Variants in CAMTA1 observed in about 807,000 individuals in gnomAD.
CAMTA1 encodes the protein calmodulin-binding transcription activator 1.
CAMTA1 carries 27 observed loss-of-function variants against 170.9 expected under a neutral mutation model. The observed-to-expected ratio is 0.16, with a 90% CI of 0.12 to 0.22. The LOEUF (loss-of-function observed/expected upper bound fraction) is 0.22. Among genes scored for constraint, CAMTA1 ranks in the 10% least tolerant of loss-of-function variants. The pLI is 1.00. For synonymous variants in CAMTA1, 833 were observed against 891.5 expected, an observed-to-expected ratio of 0.93 and a Z score of 1.17; for missense variants, 1,619 against 2,217.2, an observed-to-expected ratio of 0.73 and a Z score of 5.42.
At chr1:6,960,374 G>A (rs1203043654) in intron 3 of CAMTA1, among the ~76,000 whole-genome samples, 1 of 152,120 alleles carries the variant, frequency 6.6e-6, no homozygotes, top group Non-Finnish European at 1.5e-5. Context: ...CCCCATTTTG[G>A]AGGAGCTGCG....
chr1:7,078,751 T>C (rs1046394460), intron 3 of CAMTA1, among the ~76,000 whole-genome samples: 5 of 152,216 alleles, frequency 3.3e-5, no homozygotes, highest in African/African-American at 1.2e-4. Flanking sequence ...CTGTGGTTGC[T>C]AAGAGAAGAC....
At chr1:7,444,042 GA>G (rs1402253213) in intron 5 of CAMTA1, among the ~76,000 whole-genome samples, 1 of 152,174 alleles carries the variant, frequency 6.6e-6, no homozygotes, top group Non-Finnish European at 1.5e-5. Context: ...CTGGGGCTGG[GA>G]GCAGGGAAAA....
intron 7 of CAMTA1, 38 bp downstream of exon 7, chr1:7,640,591 G>A: frequency 6.2e-7 from 1 of 1,613,164 alleles, no homozygotes; most frequent in East Asian, 2.2e-5. Flanking sequence ...CCCACGCTGG[G>A]AACCAGGCTG....
chr1:7,339,753 T>A (rs1213456930), intron 5 of CAMTA1, among the ~76,000 whole-genome samples: 3 of 152,066 alleles, frequency 2.0e-5, no homozygotes, highest in Non-Finnish European at 4.4e-5. Flanking sequence ...TGCACCACCA[T>A]GCCCGGCTAA....
chr1:7,726,981 C>G (rs979679052), intron 11 of CAMTA1, among the ~76,000 whole-genome samples: 6 of 152,184 alleles, frequency 3.9e-5, no homozygotes, highest in Non-Finnish European at 5.9e-5. Context: ...CTTGGACTGT[C>G]CTAAGGACAT....
intron 5 of CAMTA1, among the ~76,000 whole-genome samples, chr1:7,348,611 C>T (rs2084406248): frequency 6.6e-6 from 1 of 152,234 alleles, no homozygotes; most frequent in Non-Finnish European, 1.5e-5. Context: ...GAGGATCCAA[C>T]TAAGTGGAAT....
intron 11 of CAMTA1, among the ~76,000 whole-genome samples, chr1:7,690,494 G>A (rs944059576): frequency 2.0e-5 from 3 of 152,246 alleles, no homozygotes; most frequent in African/African-American, 7.2e-5. Context: ...TGGTGGTCTT[G>A]AGAAGAGCTG....
chr1:6,879,146 A>G (rs1229495614), intron 3 of CAMTA1, among the ~76,000 whole-genome samples: 2 of 152,212 alleles, frequency 1.3e-5, no homozygotes, highest in Non-Finnish European at 1.5e-5. Flanking sequence ...GGATCTTCAC[A>G]TTAAAGAATA....
chr1:7,257,450 A>ATTCACACGAGAGCT lies in CAMTA1; in HGVS notation c.438+7830_438+7843dup, dbSNP rs1384403486. ...ATCCAAGAGCTGTTGAGTCCTATAC[A>ATTCACACGAGAGCT]TTCACACGAGAGCTTTCACTTAGGA... is the stretch of plus-strand genomic sequence containing the variant. On this transcript the variant is annotated intron_variant, in intron 5 of 22. Coordinates refer to ENST00000303635, the MANE Select transcript of CAMTA1 (RefSeq NM_015215.4). Among the ~76,000 whole-genome samples the ATTCACACGAGAGCT allele has an allele frequency of 9.9e-5, 15 of 152,262 alleles. No homozygotes were observed. The South Asian group carries it at 3.1e-3, about 32-fold the overall frequency.
At chr1:7,327,699 G>T (rs539749137) in intron 5 of CAMTA1, among the ~76,000 whole-genome samples, 1 of 152,260 alleles carries the variant, frequency 6.6e-6, no homozygotes, top group African/African-American at 2.4e-5. Flanking sequence ...ATGCATGGGA[G>T]GAGGGACTGT....
chr1:7,212,842 A>G (rs1355108290), intron 4 of CAMTA1, among the ~76,000 whole-genome samples: 1 of 152,246 alleles, frequency 6.6e-6, no homozygotes, highest in African/African-American at 2.4e-5. Flanking sequence ...CAAGAATGTT[A>G]TATAATTGGA....
intron 6 of CAMTA1, among the ~76,000 whole-genome samples, chr1:7,571,217 G>C (rs1352308988): frequency 6.6e-6 from 1 of 152,190 alleles, no homozygotes; most frequent in Non-Finnish European, 1.5e-5. Context: ...GGGCTTTCTG[G>C]TTCATGGATA....
intron 5 of CAMTA1, among the ~76,000 whole-genome samples, chr1:7,427,763 C>T (rs979644362): frequency 5.3e-5 from 8 of 152,222 alleles, no homozygotes; most frequent in South Asian, 2.1e-4. Flanking sequence ...CGCCCAGGGA[C>T]GAGGCGCAAT....
chr1:7,650,759 G>A (rs115229630), intron 7 of CAMTA1, among the ~76,000 whole-genome samples: 2,154 of 152,320 alleles, frequency 0.014, 21 homozygotes, highest in Non-Finnish European at 0.02. Context: ...GGACCAATAG[G>A]CGAATGAGAG....
rs1413237457 is a variant in CAMTA1 at position 7,242,761 on chromosome 1, TACTGAA to T, written c.303-6728_303-6723del. On this transcript the variant is annotated intron_variant, in intron 4 of 22. Transcript: ENST00000303635. ...GGCTAACACAGTGAAACCCCGTCTC[TACTGAA>T]AATAAAATAAATAAATAAATAAATA... 2.1e-5 allele frequency among the ~76,000 whole-genome samples: 3 copies of T among 142,836 alleles called. No individual in the cohort carries two copies. In the East Asian group the frequency reaches 6.2e-4, roughly 30 times the overall value. 93.7% of individuals were successfully genotyped at this position (142,836 alleles called of 152,430 possible). A position where few individuals can be genotyped will look rare whatever the true frequency, so the allele number is the denominator to read the frequency against.
intron 1 of CAMTA1, among the ~76,000 whole-genome samples, chr1:6,818,549 GC>G (rs1271290492): frequency 5.3e-5 from 8 of 152,164 alleles, no homozygotes; most frequent in African/African-American, 1.9e-4. Context: ...GTATCCACCC[GC>G]CCTTTTTGGA....
At chr1:7,420,713 A>C (rs1347308048) in intron 5 of CAMTA1, among the ~76,000 whole-genome samples, 1 of 152,218 alleles carries the variant, frequency 6.6e-6, no homozygotes, top group Non-Finnish European at 1.5e-5. Context: ...CCTGAGCCAA[A>C]ATCAGCATAT....
At chr1:7,032,867 G>T (rs930982690) in intron 3 of CAMTA1, among the ~76,000 whole-genome samples, 2 of 152,080 alleles carry the variant, frequency 1.3e-5, no homozygotes, top group African/African-American at 4.8e-5. Flanking sequence ...GCACTTTAAA[G>T]AAGTTTCTCT....
intron 6 of CAMTA1, among the ~76,000 whole-genome samples, chr1:7,525,627 T>C (rs536697380): frequency 3.9e-5 from 6 of 152,214 alleles, no homozygotes; most frequent in African/African-American, 1.4e-4. Flanking sequence ...AGGCTCATTT[T>C]CCCCAGAACA....
Sources: allele counts gnomAD v4.1 joint callset (sites outside exome capture counted in the v4.1 genomes callset), GRCh38; gene constraint gnomAD v4.1.1; transcripts MANE v1.5; gene names NCBI Gene and HGNC (gene_info 2026-07-23, HGNC 2026-07-21).